Variants in AGBL4 observed in about 807,000 individuals in gnomAD.
The protein encoded by AGBL4 is AGBL carboxypeptidase 4, also known as cytosolic carboxypeptidase 6.
Under a neutral mutation model 66.4 loss-of-function variants are expected in AGBL4, and 58 were observed. That is an observed-to-expected ratio of 0.87 (90% confidence interval 0.71 to 1.09). The LOEUF (loss-of-function observed/expected upper bound fraction) is 1.09. Ranked by LOEUF, AGBL4 falls within the 50% of genes least tolerant of loss-of-function variation. The probability of loss-of-function intolerance (pLI) is 0.00; values close to 1 mark genes in which losing one functional copy is unlikely to be tolerated. For missense variants in AGBL4, 579 were observed against 631.0 expected (o/e 0.92, Z 0.88); for synonymous variants, 234 against 222.9 (o/e 1.05, Z -0.44).
At chr1:49,266,214 C>T (rs922628275) in intron 3 of AGBL4, 14 of 152,052 alleles carry the variant, frequency 9.2e-5, no homozygotes, top group African/African-American at 3.4e-4. Flanking sequence ...TCCTCTCCCT[C>T]ACTGAAAACT....
chr1:49,009,873 A>G (rs1415680517), intron 5 of AGBL4, among the ~76,000 whole-genome samples: 5 of 152,044 alleles, frequency 3.3e-5, no homozygotes, highest in African/African-American at 9.7e-5. Flanking sequence ...TTGATGGGAC[A>G]TATCTCAAAA....
intron 3 of AGBL4, among the ~76,000 whole-genome samples, chr1:49,383,290 A>AGT (rs1169145041): frequency 6.6e-6 from 1 of 152,228 alleles, no homozygotes; most frequent in Admixed American, 6.5e-5. Context: ...TTGCAGAAAT[A>AGT]CAAAGAAAAC....
intron 6 of AGBL4, among the ~76,000 whole-genome samples, chr1:48,820,300 A>G (rs1357455761): frequency 6.6e-6 from 1 of 152,190 alleles, no homozygotes; most frequent in Non-Finnish European, 1.5e-5. Flanking sequence ...CTGGTACAGA[A>G]TATAGAGGCA....
rs1317506058 is a variant in AGBL4, at chr1:48,653,439, A to T, written c.737T>A (p.Phe246Tyr). 3.8e-6 allele frequency: 6 copies of T among 1,577,604 alleles called. No homozygotes were observed. Among genetic ancestry groups the T allele is most frequent in the Non-Finnish European group, 5.2e-6 (6 of 1,160,544 alleles). ...SSFVCQGIID[F>Y]LVSQHPIACV... is the part of the protein sequence containing the mutation. The stretch of plus-strand genomic sequence containing the variant: ...GGCAATAGGGTGCTGGCTTACAAGG[A>T]AGTCAATGATCCCTAGGGAAAGAGA... Residue 246 changes from phenylalanine to tyrosine, a missense_variant, in exon 8 of 14, where the codon TTC becomes TAC. Coordinates refer to ENST00000371839, the MANE Select transcript of AGBL4 (RefSeq NM_032785.4).
rs1193838832 is a variant in AGBL4, at chr1:49,489,523, A to G, written c.282+207790T>C. The stretch of plus-strand genomic sequence containing the variant: ...CTTGATTGTTTCTTTTGCTGTGCAG[A>G]AGCTTTTTACATTGATGTGATCCAA... On this transcript the variant is annotated intron_variant, in intron 3 of 13. Coordinates refer to ENST00000371839, the MANE Select transcript of AGBL4 (RefSeq NM_032785.4). Among the ~76,000 whole-genome samples the G allele has an allele frequency of 2.6e-5, 4 of 151,680 alleles. No homozygotes were observed. The East Asian group carries it at 7.7e-4, about 29-fold the overall frequency.
intron 3 of AGBL4, among the ~76,000 whole-genome samples, chr1:49,466,456 C>T (rs769973539): frequency 2.0e-5 from 3 of 151,650 alleles, no homozygotes; most frequent in Middle Eastern, 3.4e-3. Flanking sequence ...GAGGGAAAAT[C>T]GACAGAGGCA....
rs1393240113 is a variant in AGBL4 at position 49,697,436 on chromosome 1, A to G, written c.159T>C (p.Gly53=). 26 of 1,505,754 alleles carry G rather than the reference A, an allele frequency of 1.7e-5. No individual in the cohort carries two copies. The East Asian group carries it at 3.7e-4, about 22-fold the overall frequency. 93.3% of individuals were successfully genotyped at this position (1,505,754 alleles called of 1,614,324 possible). A position where few individuals can be genotyped will look rare whatever the true frequency, so the allele number is the denominator to read the frequency against. Residue 53 remains glycine (G), a splice_region_variant and synonymous_variant, in exon 3 of 14, where the codon GGT becomes GGC. Transcript: ENST00000371839. ...AGACCTGGTCCACCCGGCCCAGGTT[A>G]CCTGGTAATAAAAATTAAGAGAATT... is the stretch of plus-strand genomic sequence containing the variant. ...HLIFDACFES[G]NLGRVDQVSE...
chr1:49,196,130 A>G (rs1038690664), intron 4 of AGBL4, among the ~76,000 whole-genome samples: 3 of 152,182 alleles, frequency 2.0e-5, no homozygotes, highest in Non-Finnish European at 4.4e-5. Context: ...ACCCAATCTC[A>G]AGTACTTCTT....
chr1:49,086,543 C>A (rs941098931), intron 4 of AGBL4, among the ~76,000 whole-genome samples: 5 of 152,048 alleles, frequency 3.3e-5, no homozygotes, highest in African/African-American at 1.2e-4. Flanking sequence ...CAACCCCACC[C>A]ATCCTGCCAC....
chr1:48,609,953 C>T (rs1339057061), intron 9 of AGBL4, among the ~76,000 whole-genome samples: 5 of 152,154 alleles, frequency 3.3e-5, no homozygotes, highest in Admixed American at 6.6e-5. Flanking sequence ...ATAGGAAGAA[C>T]GCAGACCTTG....
At chr1:49,488,264 AGTT>A (rs1647110457) in intron 3 of AGBL4, among the ~76,000 whole-genome samples, 1 of 151,478 alleles carries the variant, frequency 6.6e-6, no homozygotes, top group Admixed American at 6.6e-5. Context: ...AATGCCCTGC[AGTT>A]GTTATATATT....
At chr1:49,379,969 C>T (rs1644561018) in intron 3 of AGBL4, among the ~76,000 whole-genome samples, 1 of 152,112 alleles carries the variant, frequency 6.6e-6, no homozygotes, top group Admixed American at 6.6e-5. Flanking sequence ...CTCACCACTC[C>T]TATTCAACAT....
intron 3 of AGBL4, among the ~76,000 whole-genome samples, chr1:49,664,082 T>A (rs1041431290): frequency 7.2e-5 from 11 of 152,044 alleles, no homozygotes; most frequent in African/African-American, 2.7e-4. Context: ...AAAATTATTT[T>A]TTATAGAATT....
At chr1:49,159,301 T>G (rs1646496333) in intron 4 of AGBL4, among the ~76,000 whole-genome samples, 1 of 152,160 alleles carries the variant, frequency 6.6e-6, no homozygotes, top group South Asian at 2.1e-4. Flanking sequence ...GTAAAGGATT[T>G]TATTTCTCCT....
At chr1:48,627,306 G>A (rs746874841) in intron 9 of AGBL4, among the ~76,000 whole-genome samples, 2 of 152,062 alleles carry the variant, frequency 1.3e-5, no homozygotes, top group Non-Finnish European at 2.9e-5. Flanking sequence ...ACTTGTTTAT[G>A]TGCCTGTTTT....
chr1:49,887,520 G>T (rs1416198466), intron 1 of AGBL4, among the ~76,000 whole-genome samples: 2 of 151,968 alleles, frequency 1.3e-5, no homozygotes, highest in Non-Finnish European at 2.9e-5. Context: ...GCTTATATGG[G>T]TATATAAAAA....
intron 6 of AGBL4, among the ~76,000 whole-genome samples, chr1:48,739,046 C>T (rs11205533): frequency 6.6e-6 from 1 of 151,932 alleles, no homozygotes; most frequent in Non-Finnish European, 1.5e-5. Flanking sequence ...GCTGCCACCA[C>T]GGTGGTACTG....
At chr1:49,930,464 T>C (rs1031649333) in intron 1 of AGBL4, among the ~76,000 whole-genome samples, 41 of 151,916 alleles carry the variant, frequency 2.7e-4, no homozygotes, top group African/African-American at 9.4e-4. Context: ...AAAAACCAAA[T>C]GAAGACATTA....
intron 3 of AGBL4, among the ~76,000 whole-genome samples, chr1:49,611,672 C>T (rs556396366): frequency 1.9e-4 from 29 of 152,208 alleles, no homozygotes; most frequent in African/African-American, 5.1e-4. Context: ...CCACCGCGCC[C>T]GGCCAGTATC....
Sources: gnomAD v4.1 joint callset for allele counts (sites outside exome capture counted in the v4.1 genomes callset) on GRCh38, gnomAD v4.1.1 for gene constraint, MANE v1.5 for transcripts, NCBI Gene and HGNC (gene_info 2026-07-23, HGNC 2026-07-21) for gene names.